ABTB2: variants seen among roughly 807,000 people sequenced by gnomAD.
ABTB2 encodes ankyrin repeat and BTB domain containing 2.
ABTB2 carries 56 observed loss-of-function variants against 104.1 expected under a neutral mutation model. The ratio of observed to expected loss-of-function variants is 0.54; its 90% CI spans 0.43 to 0.67. The LOEUF (loss-of-function observed/expected upper bound fraction) is 0.67, where lower values mean the gene tolerates loss of function less well. ABTB2 is among the 30% of genes least tolerant of loss of function. The pLI is 0.00. For missense variants in ABTB2, 1,279 were observed against 1,407.7 expected (o/e 0.91, Z 1.46); for synonymous variants, 606 against 608.2 (o/e 1.00, Z 0.05).
intron 1 of ABTB2, among the ~76,000 whole-genome samples, chr11:34,236,295 G>T (rs755228374): frequency 3.3e-5 from 5 of 152,158 alleles, no homozygotes; most frequent in African/African-American, 4.8e-5. Flanking sequence ...AGAAAATATG[G>T]AAATTTTCTT....
chr11:34,292,699 G>A (rs999043052), intron 1 of ABTB2, among the ~76,000 whole-genome samples: 20 of 152,154 alleles, frequency 1.3e-4, no homozygotes, highest in African/African-American at 4.6e-4. Flanking sequence ...CCAGGAAAGC[G>A]AACGGAGAGG....
At chr11:34,198,697 C>A (rs1169113706) in intron 2 of ABTB2, among the ~76,000 whole-genome samples, 1 of 152,170 alleles carries the variant, frequency 6.6e-6, no homozygotes, top group Non-Finnish European at 1.5e-5. Flanking sequence ...GTCCCCATAT[C>A]CTGTGATGTG....
intron 3 of ABTB2, among the ~76,000 whole-genome samples, chr11:34,176,698 A>T (rs1033789669): frequency 1.3e-5 from 2 of 152,252 alleles, no homozygotes; most frequent in African/African-American, 2.4e-5. Flanking sequence ...AGTGACAAAA[A>T]GTATGGATGA....
Position 34,167,265 on chromosome 11 carries a change from C to A in ABTB2, c.1749G>T (p.Val583=). 6.2e-7 allele frequency: 1 copy of A among 1,609,780 alleles called. No individual in the cohort carries two copies. Among genetic ancestry groups the A allele is most frequent in the South Asian group, 1.1e-5 (1 of 90,010 alleles). The change falls in exon 7 of 17, where the codon GTG becomes GTT. Residue 583 remains valine, a synonymous_variant. Transcript: ENST00000435224. ...TCACCTGGCAGGAGCTCACCTGGACCACAGAGATGTGTCCATGCAGCACAG... is the reference window on the plus strand; with the variant it reads ...TCACCTGGCAGGAGCTCACCTGGACAACAGAGATGTGTCCATGCAGCACAG... ...TFAVLHGHIS[V]VQLLLDAGAH...
intron 3 of ABTB2, among the ~76,000 whole-genome samples, chr11:34,183,347 A>G (rs1853052503): frequency 6.6e-6 from 1 of 152,070 alleles, no homozygotes; most frequent in Non-Finnish European, 1.5e-5. Flanking sequence ...CCAACTGCCT[A>G]CCTTGGCATC....
intron 1 of ABTB2, among the ~76,000 whole-genome samples, chr11:34,330,924 C>T (rs1403173360): frequency 6.6e-6 from 1 of 152,224 alleles, no homozygotes; most frequent in East Asian, 1.9e-4. Flanking sequence ...CTTCCTGATT[C>T]TCCAACTTCT....
intron 1 of ABTB2, chr11:34,335,932 G>C: frequency 1.5e-6 from 1 of 665,058 alleles, no homozygotes; most frequent in Middle Eastern, 3.3e-4. Flanking sequence ...GATTGCCAAC[G>C]TTTTAACTAA....
intron 7 of ABTB2, among the ~76,000 whole-genome samples, chr11:34,166,638 G>A (rs1272029431): frequency 6.6e-6 from 1 of 152,238 alleles, no homozygotes; most frequent in Admixed American, 6.5e-5. Context: ...CCCTGCGCAT[G>A]CCAGCGATCT....
Position 34,357,406 on chromosome 11 carries a change from AGCC to A in ABTB2, c.175_177del (p.Gly59del). Reference sequence around the variant, plus strand: ...CAGCTGTTGTGGCGGCTGTTCATGGAGCCGGAGTAGCACCACCAGGCCGCCCCG... The same window carrying A: ...CAGCTGTTGTGGCGGCTGTTCATGGAGGAGTAGCACCACCAGGCCGCCCCG... On this transcript the variant is annotated inframe_deletion, in exon 1 of 17. Coordinates refer to ENST00000435224, the MANE Select transcript of ABTB2 (RefSeq NM_145804.3). 6.5e-7 allele frequency: 1 copy of A among 1,547,350 alleles called. No individual in the cohort carries two copies. The highest frequency in any genetic ancestry group is 8.7e-7 in the Non-Finnish European group (1 of 1,145,206).
Position 34,307,846 on chromosome 11 carries a change from G to A in ABTB2, c.883+48855C>T, listed in dbSNP as rs554123999. ...CCCACATAGCTGGGATCACAGGCAC[G>A]CGCCACCATGCCCAGCTAATTTTTG... On this transcript the variant is annotated intron_variant, in intron 1 of 16. Transcript: ENST00000435224. Among the ~76,000 whole-genome samples the A allele has an allele frequency of 2.1e-4, 32 of 152,242 alleles. 1 individual carries two copies. The highest frequency in any genetic ancestry group is 1.8e-3 in the Admixed American group (27 of 15,294).
intron 16 of ABTB2, among the ~76,000 whole-genome samples, chr11:34,153,621 G>A (rs531565660): frequency 2.6e-5 from 4 of 152,326 alleles, no homozygotes; most frequent in Non-Finnish European, 5.9e-5. Flanking sequence ...TGGGATTACA[G>A]GTGTGAGCCA....
Position 34,357,144 on chromosome 11 carries a change from C to T in ABTB2, c.440G>A (p.Ser147Asn), listed in dbSNP as rs1855477068. The T allele has an allele frequency of 6.7e-7, 1 of 1,496,120 alleles. No individual in the cohort carries two copies. Among genetic ancestry groups the T allele is most frequent in the Non-Finnish European group, 8.8e-7 (1 of 1,131,032 alleles). The allele number at this position is 1,496,120 out of a possible 1,614,324, so 92.7% of individuals were successfully genotyped here. Residue 147 changes from serine (S) to asparagine (N), a missense_variant, in exon 1 of 17, where the codon AGC becomes AAC. Coordinates refer to ENST00000435224, the MANE Select transcript of ABTB2 (RefSeq NM_145804.3). ...IRVAREAQRL[S>N]VLHAKCTRFE... is the part of the protein sequence containing the mutation. Reference sequence around the variant, plus strand: ...GCGGGTGCACTTGGCGTGCAGCACGCTCAGGCGCTGCGCCTCGCGGGCCAC... The same window carrying T: ...GCGGGTGCACTTGGCGTGCAGCACGTTCAGGCGCTGCGCCTCGCGGGCCAC...
intron 1 of ABTB2, among the ~76,000 whole-genome samples, chr11:34,209,520 T>A (rs2133043367): frequency 9.1e-6 from 1 of 110,172 alleles, no homozygotes. Context: ...CTAAGCTACT[T>A]TTCACTCTGC....
intron 1 of ABTB2, among the ~76,000 whole-genome samples, chr11:34,265,565 C>T (rs569969986): frequency 1.6e-4 from 23 of 147,544 alleles, no homozygotes; most frequent in South Asian, 6.4e-4. Context: ...GAGGCTGAGA[C>T]GAGAATCGCT....
chr11:34,330,841 AG>A (rs1855120923), intron 1 of ABTB2, among the ~76,000 whole-genome samples: 1 of 152,234 alleles, frequency 6.6e-6, no homozygotes, highest in Admixed American at 6.5e-5. Context: ...ACTGTTCCCA[AG>A]CTATGTGCAT....
rs79542599 is a variant in ABTB2, at chr11:34,315,644, G to A, written c.883+41057C>T. Among the ~76,000 whole-genome samples the A allele has an allele frequency of 6.5e-3, 988 of 152,336 alleles. 12 individuals carry two copies. The highest frequency in any genetic ancestry group is 0.023 in the African/African-American group (941 of 41,584). ...CCAATCATAGCTCACCCTCGGCGCT[G>A]AGCAGACATGGGCAGGGAGAGAAGG... On this transcript the variant is annotated intron_variant, in intron 1 of 16. Transcript: ENST00000435224.
At chr11:34,258,675 G>A (rs1439322828) in intron 1 of ABTB2, among the ~76,000 whole-genome samples, 5 of 147,412 alleles carry the variant, frequency 3.4e-5, no homozygotes, top group South Asian at 2.2e-4. Context: ...GCAGCAGGGC[G>A]ATCTCAGCTG....
At chr11:34,233,333 CT>C (rs112892657) in intron 1 of ABTB2, among the ~76,000 whole-genome samples, 1,655 of 145,520 alleles carry the variant, frequency 0.011, 25 homozygotes, top group African/African-American at 0.039. Flanking sequence ...CTCACTGCAG[CT>C]TTTTTTTTTT....
intron 1 of ABTB2, among the ~76,000 whole-genome samples, chr11:34,304,221 A>G (rs1854745402): frequency 6.6e-6 from 1 of 152,210 alleles, no homozygotes; most frequent in Admixed American, 6.5e-5. Flanking sequence ...TCAGGCATCC[A>G]TCAGAGGTCC....
Sources: allele counts gnomAD v4.1 joint callset (sites outside exome capture counted in the v4.1 genomes callset), GRCh38; gene constraint gnomAD v4.1.1; transcripts MANE v1.5; gene names NCBI Gene and HGNC (gene_info 2026-07-23, HGNC 2026-07-21).